Variants in CELF6 observed in about 807,000 individuals in gnomAD.
CELF6 encodes Bruno -like 6, RNA binding protein.
A neutral mutation model predicts 53.1 loss-of-function variants in CELF6; 32 were observed. That is an observed-to-expected ratio of 0.60 (90% CI 0.46 to 0.81). The LOEUF is 0.81. CELF6 is among the 30% of genes least tolerant of loss of function. The probability of loss-of-function intolerance (pLI) is 0.00; values close to 1 mark genes in which losing one functional copy is unlikely to be tolerated. For synonymous variants in CELF6, 291 were observed against 288.8 expected, an observed-to-expected ratio of 1.01 and a Z score of -0.08; for missense variants, 539 against 669.5, an observed-to-expected ratio of 0.81 and a Z score of 2.15.
At chr15:72,293,257 C>T (rs1275160881) in intron 3 of CELF6, among the ~76,000 whole-genome samples, 1 of 152,056 alleles carries the variant, frequency 6.6e-6, no homozygotes, top group African/African-American at 2.4e-5. Flanking sequence ...CCTCAGGTGA[C>T]CCAGAAATGG....
At chr15:72,304,449 G>C (rs949332143) in intron 3 of CELF6, among the ~76,000 whole-genome samples, 1 of 152,198 alleles carries the variant, frequency 6.6e-6, no homozygotes, top group Non-Finnish European at 1.5e-5. Flanking sequence ...AAAGTTCCAT[G>C]TGGCAAAACA....
intron 3 of CELF6, among the ~76,000 whole-genome samples, chr15:72,293,942 C>T (rs1204856863): frequency 6.1e-5 from 2 of 32,590 alleles, no homozygotes; most frequent in East Asian, 1.8e-3. Context: ...GATCCGCCCG[C>T]CCAGGCCTCC....
At chr15:72,290,422 G>A (rs1209849453) in intron 3 of CELF6, among the ~76,000 whole-genome samples, 167 bp from the exon 4 acceptor site, 1 of 152,154 alleles carries the variant, frequency 6.6e-6, no homozygotes, top group Non-Finnish European at 1.5e-5. Flanking sequence ...CAGGATCTGG[G>A]GAAGGGATCT....
intron 11 of CELF6, 25 bp from the exon 12 acceptor site, chr15:72,287,417 A>T (rs770306505): frequency 8.1e-6 from 13 of 1,613,102 alleles, no homozygotes; most frequent in Non-Finnish European, 1.0e-5. Context: ...CAAAGAGATT[A>T]GCTGGGGACT....
chr15:72,288,224 A>G lies in CELF6; in HGVS notation c.1318+84T>C. The G allele has an allele frequency of 7.1e-7, 1 of 1,409,292 alleles. No homozygotes were observed. Among genetic ancestry groups the G allele is most frequent in the Non-Finnish European group, 1.0e-6 (1 of 995,722 alleles). The allele number at this position is 1,409,292 out of a possible 1,614,324, so 87.3% of individuals were successfully genotyped here. A position where few individuals can be genotyped will look rare whatever the true frequency, so the allele number is the denominator to read the frequency against. ...ACATTCAATCTCAGGAAATCACTGCATTATGGAAGGGCAATCGTAGGGTCT... is the reference window on the plus strand; with the variant it reads ...ACATTCAATCTCAGGAAATCACTGCGTTATGGAAGGGCAATCGTAGGGTCT... On this transcript the variant is annotated intron_variant, in intron 11 of 12. Transcript: ENST00000287202. This position sits in a 1 kb window ranked among gnomAD's most constrained non-coding sequence, Gnocchi z 4.6.
intron 2 of CELF6, 57 bp downstream of exon 2, chr15:72,315,788 C>T (rs968915518): frequency 7.0e-5 from 87 of 1,246,398 alleles, no homozygotes; most frequent in Non-Finnish European, 9.5e-5. Flanking sequence ...TTGGCATGCA[C>T]ACAGGGCACT....
chr15:72,318,083 A>G (rs2088383341), intron 1 of CELF6, among the ~76,000 whole-genome samples: 1 of 152,178 alleles, frequency 6.6e-6, no homozygotes, highest in African/African-American at 2.4e-5. Flanking sequence ...CTTTGTATGT[A>G]CATCCTGAAA....
chr15:72,300,532 C>T (rs1466473668), intron 3 of CELF6, among the ~76,000 whole-genome samples: 1 of 152,090 alleles, frequency 6.6e-6, no homozygotes, highest in Non-Finnish European at 1.5e-5. Context: ...GACAAAGTAG[C>T]TATTTTTGTA....
At chr15:72,301,321 T>C (rs16956675) in intron 3 of CELF6, among the ~76,000 whole-genome samples, 5,151 of 152,000 alleles carry the variant, frequency 0.034, 268 homozygotes, top group African/African-American at 0.1. Context: ...AACATGGGAG[T>C]CTCATCCATT....
chr15:72,318,484 G>C (rs1595788326), intron 1 of CELF6, among the ~76,000 whole-genome samples: 1 of 152,256 alleles, frequency 6.6e-6, no homozygotes, highest in South Asian at 2.1e-4. Context: ...TGGTGGTGGT[G>C]GTGGGGGAGG....
chr15:72,303,897 G>T (rs1314319396), intron 3 of CELF6, among the ~76,000 whole-genome samples: 1 of 152,030 alleles, frequency 6.6e-6, no homozygotes, highest in Non-Finnish European at 1.5e-5. Flanking sequence ...ATGCTCTGTT[G>T]CCCAGGCTGG....
rs188313850 is a variant in CELF6, at chr15:72,319,342, A to G, written c.262+271T>C. ...ATGGGAGAGGTGGTGGAAAGGTCCA[A>G]TTGAAAGGCAGGGACTGCTGGGATG... On this transcript the variant is annotated intron_variant, in intron 1 of 12. Coordinates refer to ENST00000287202, the MANE Select transcript of CELF6 (RefSeq NM_052840.5). The surrounding 1 kb of genome is among the most constrained non-coding windows in gnomAD (Gnocchi z 5.0). 6.0e-4 allele frequency among the ~76,000 whole-genome samples: 91 copies of G among 152,270 alleles called. 2 individuals are homozygous for G. The highest frequency in any genetic ancestry group is 3.1e-3 in the South Asian group (15 of 4,824).
intron 1 of CELF6, among the ~76,000 whole-genome samples, chr15:72,316,286 C>T (rs28562796): frequency 0.16 from 24,670 of 152,166 alleles, 5,758 homozygotes; most frequent in African/African-American, 0.52. Context: ...CAGACTTCCC[C>T]TTCCTTTTTG....
chr15:72,311,433 C>T (rs189198396), intron 2 of CELF6, among the ~76,000 whole-genome samples: 5 of 147,578 alleles, frequency 3.4e-5, no homozygotes, highest in Non-Finnish European at 5.9e-5. Context: ...GACAGAGTCT[C>T]GCTCTGTCAC....
chr15:72,287,229 G>T lies in CELF6; in HGVS notation c.*28+8C>A. On this transcript the variant is annotated splice_region_variant and intron_variant, in intron 12 of 12. Transcript: ENST00000287202. ...GCCTCATCTACCTGGGGTCCATCAG[G>T]GACTCACCTTTCTGTGGCTGGTCAG... The T allele has an allele frequency of 3.1e-6, 5 of 1,609,426 alleles. No individual in the cohort carries two copies. Among genetic ancestry groups the T allele is most frequent in the Non-Finnish European group, 4.2e-6 (5 of 1,177,714 alleles).
intron 3 of CELF6, among the ~76,000 whole-genome samples, chr15:72,293,118 C>A (rs894798879): frequency 6.6e-6 from 1 of 152,226 alleles, no homozygotes; most frequent in Non-Finnish European, 1.5e-5. Context: ...AAATGAGTAT[C>A]TACCATGGGG....
chr15:72,305,466 C>G (rs2141200076), intron 2 of CELF6, among the ~76,000 whole-genome samples: 1 of 152,310 alleles, frequency 6.6e-6, no homozygotes, highest in African/African-American at 2.4e-5. Context: ...CTCAGCCTCC[C>G]AAAGTGCTGG....
chr15:72,315,450 C>T lies in CELF6; in HGVS notation c.345+395G>A, dbSNP rs564908260. On this transcript the variant is annotated intron_variant, in intron 2 of 12. Coordinates refer to ENST00000287202, the MANE Select transcript of CELF6 (RefSeq NM_052840.5). ...CAGGAAAAGGACTAGAGAGAAGTTC[C>T]AGCAAGGACCTTAGGACTAGAGAAA... 7.2e-5 allele frequency among the ~76,000 whole-genome samples: 11 copies of T among 152,254 alleles called. No homozygotes were observed. The South Asian group carries it at 2.3e-3, about 32-fold the overall frequency.
intron 3 of CELF6, among the ~76,000 whole-genome samples, chr15:72,295,802 T>C (rs2088070605): frequency 6.6e-6 from 1 of 151,920 alleles, no homozygotes; most frequent in Non-Finnish European, 1.5e-5. Flanking sequence ...GAAGACTTAA[T>C]ATTGCTAAGA....
Sources: gnomAD v4.1 joint callset for allele counts (sites outside exome capture counted in the v4.1 genomes callset) on GRCh38, gnomAD v4.1.1 for gene constraint, Gnocchi (gnomAD v3.1) non-coding constraint, MANE v1.5 for transcripts, NCBI Gene and HGNC (gene_info 2026-07-23, HGNC 2026-07-21) for gene names.